The following BCAR3 variants were observed in gnomAD, a reference collection of about 807,000 sequenced individuals.
BCAR3 encodes the protein breast cancer anti-estrogen resistance protein 3.
Under a neutral mutation model 80.1 loss-of-function variants are expected in BCAR3, and 37 were observed. The ratio of observed to expected loss-of-function variants is 0.46; its 90% CI spans 0.36 to 0.61. BCAR3 has a LOEUF of 0.61. BCAR3 is among the 20% of genes least tolerant of loss of function. The pLI is 0.00. For missense variants in BCAR3, 978 were observed against 1,068.2 expected (o/e 0.92, Z 1.18); for synonymous variants, 389 against 418.9 (o/e 0.93, Z 0.87).
intron 2 of BCAR3, among the ~76,000 whole-genome samples, chr1:93,810,900 A>C (rs1571143912): frequency 6.6e-6 from 1 of 152,212 alleles, no homozygotes; most frequent in African/African-American, 2.4e-5. Flanking sequence ...AGAAACCAAG[A>C]CCCAGAGAGG....
chr1:93,810,443 C>T (rs2100802941), intron 2 of BCAR3, among the ~76,000 whole-genome samples: 1 of 152,248 alleles, frequency 6.6e-6, no homozygotes, highest in East Asian at 1.9e-4. Flanking sequence ...CACCTCTTCC[C>T]ATCCATCTCT....
At chr1:93,762,076 AT>A (rs1651964245) in intron 2 of BCAR3, among the ~76,000 whole-genome samples, 1 of 152,180 alleles carries the variant, frequency 6.6e-6, no homozygotes. Context: ...GAAGCAGAAT[AT>A]GTGCTCTAAG....
At chr1:93,815,272 G>A (rs755645170) in intron 2 of BCAR3, among the ~76,000 whole-genome samples, 6 of 152,192 alleles carry the variant, frequency 3.9e-5, no homozygotes, top group African/African-American at 7.2e-5. Flanking sequence ...GGATGCCAGC[G>A]AGATGCATTT....
chr1:93,596,259 T>C (rs1674416668), intron 3 of BCAR3, among the ~76,000 whole-genome samples: 1 of 152,216 alleles, frequency 6.6e-6, no homozygotes, highest in South Asian at 2.1e-4. Context: ...TAGCCCAGAA[T>C]GATGCATGAG....
At chr1:93,562,565 C>G in intron 11 of BCAR3, 146 bp from the exon 12 acceptor site, 1 of 610,502 alleles carries the variant, frequency 1.6e-6, no homozygotes, top group Non-Finnish European at 2.7e-6. Context: ...ATCAGGAGAT[C>G]GAGACCATCC....
intron 3 of BCAR3, among the ~76,000 whole-genome samples, chr1:93,637,858 G>A (rs17110197): frequency 0.038 from 5,853 of 152,264 alleles, 386 homozygotes; most frequent in African/African-American, 0.13. Context: ...ATAAACGTAA[G>A]CTAGAAGGAA....
intron 2 of BCAR3, among the ~76,000 whole-genome samples, chr1:93,670,004 G>T (rs1648131461): frequency 6.6e-6 from 1 of 152,076 alleles, no homozygotes; most frequent in South Asian, 2.1e-4. Flanking sequence ...CTTGGGTGAT[G>T]GGTGCACCAA....
chr1:93,621,862 G>T (rs1224362321), intron 3 of BCAR3, among the ~76,000 whole-genome samples: 1 of 151,912 alleles, frequency 6.6e-6, no homozygotes, highest in African/African-American at 2.4e-5. Context: ...AGCCACATTG[G>T]TTTTGTTTTT....
intron 3 of BCAR3, among the ~76,000 whole-genome samples, chr1:93,702,815 A>G (rs975010357): frequency 6.6e-6 from 1 of 152,174 alleles, no homozygotes; most frequent in African/African-American, 2.4e-5. Context: ...ACTTGCTCCT[A>G]CCTTGTTTTT....
chr1:93,672,056 A>G (rs145558450), intron 2 of BCAR3, among the ~76,000 whole-genome samples: 457 of 152,270 alleles, frequency 3.0e-3, no homozygotes, highest in Middle Eastern at 0.01. Flanking sequence ...TCAGTTAAGA[A>G]AAAAAGATGT....
Position 93,808,281 on chromosome 1 carries a change from T to C in BCAR3, c.-63+37286A>G, listed in dbSNP as rs989679023. On this transcript the variant is annotated intron_variant, in intron 2 of 13. Coordinates refer to the BCAR3 transcript ENST00000370244. ...AAAAAGACCCACACATAGCACACCA[T>C]TGAAAACTTTCAGAGCACCAAGAAT... Among the ~76,000 whole-genome samples the C allele has an allele frequency of 2.2e-4, 33 of 152,034 alleles. 2 individuals are homozygous for C. Among genetic ancestry groups the C allele is most frequent in the Non-Finnish European group, 7.4e-5 (5 of 68,024 alleles).
intron 2 of BCAR3, among the ~76,000 whole-genome samples, chr1:93,669,576 A>G (rs1648106723): frequency 6.6e-6 from 1 of 152,216 alleles, no homozygotes; most frequent in Non-Finnish European, 1.5e-5. Flanking sequence ...AAGAGGCCGA[A>G]GGAATTAGGC....
chr1:93,765,003 G>A (rs1652096640), intron 2 of BCAR3, among the ~76,000 whole-genome samples: 1 of 152,150 alleles, frequency 6.6e-6, no homozygotes, highest in Non-Finnish European at 1.5e-5. Context: ...CCTAAGGATT[G>A]AGCTCCCCTG....
chr1:93,596,074 T>C (rs905373992), intron 3 of BCAR3, among the ~76,000 whole-genome samples: 1 of 152,222 alleles, frequency 6.6e-6, no homozygotes, highest in Admixed American at 6.5e-5. Context: ...CAGCAAAGGT[T>C]TCATCCCCTC....
chr1:93,740,693 C>T (rs1040406670), intron 2 of BCAR3, among the ~76,000 whole-genome samples: 3 of 152,110 alleles, frequency 2.0e-5, no homozygotes, highest in Non-Finnish European at 2.9e-5. Flanking sequence ...AGTCGCTCAG[C>T]GGAGCAGAGG....
intron 3 of BCAR3, among the ~76,000 whole-genome samples, chr1:93,619,594 G>A (rs761595272): frequency 1.4e-4 from 21 of 152,182 alleles, no homozygotes; most frequent in Non-Finnish European, 2.5e-4. Context: ...GTAGGCATGA[G>A]CTATGTAAGC....
chr1:93,665,561 C>T (rs1647863971), intron 2 of BCAR3, among the ~76,000 whole-genome samples: 1 of 152,160 alleles, frequency 6.6e-6, no homozygotes, highest in Non-Finnish European at 1.5e-5. Flanking sequence ...TTACTCTTTA[C>T]ATAGAGCTCT....
At chr1:93,788,958 T>C (rs928735779) in intron 2 of BCAR3, among the ~76,000 whole-genome samples, 1 of 152,084 alleles carries the variant, frequency 6.6e-6, no homozygotes, top group African/African-American at 2.4e-5. Context: ...AATGTTAAAA[T>C]ATTCCCTCCC....
chr1:93,774,594 T>C (rs556130461), intron 2 of BCAR3, among the ~76,000 whole-genome samples: 20 of 152,288 alleles, frequency 1.3e-4, no homozygotes, highest in African/African-American at 4.1e-4. Context: ...ACTGAGACAG[T>C]TGACCATCAC....
Sources: gnomAD v4.1 joint callset for allele counts (sites outside exome capture counted in the v4.1 genomes callset) on GRCh38, gnomAD v4.1.1 for gene constraint, MANE v1.5 for transcripts, NCBI Gene and HGNC (gene_info 2026-07-23, HGNC 2026-07-21) for gene names.